The following SGCZ variants were observed in gnomAD, a reference collection of about 807,000 sequenced individuals.
SGCZ encodes the protein sarcoglycan zeta.
Under a neutral mutation model 41.3 loss-of-function variants are expected in SGCZ, and 40 were observed. The ratio of observed to expected loss-of-function variants is 0.97; its 90% CI spans 0.75 to 1.26. SGCZ has a LOEUF of 1.26. Ranked by LOEUF, SGCZ falls within the 50% of genes most tolerant of loss-of-function variation. The pLI is 0.00. For missense variants in SGCZ, 552 were observed against 369.8 expected, an observed-to-expected ratio of 1.49 and a Z score of -4.04; for synonymous variants, 206 against 137.5, an observed-to-expected ratio of 1.50 and a Z score of -3.49.
At chr8:14,138,309 G>A (rs575378978) in intron 5 of SGCZ, among the ~76,000 whole-genome samples, 2 of 152,224 alleles carry the variant, frequency 1.3e-5, no homozygotes, top group South Asian at 2.1e-4. Context: ...TATAATGACA[G>A]GATCAAATTC....
chr8:14,245,993 T>C (rs533538778), intron 3 of SGCZ, among the ~76,000 whole-genome samples: 1 of 152,306 alleles, frequency 6.6e-6, no homozygotes, highest in Admixed American at 6.5e-5. Context: ...TTTTACACTG[T>C]TGGTGGGACT....
chr8:14,516,697 G>A (rs551727478), intron 2 of SGCZ, among the ~76,000 whole-genome samples: 5 of 152,022 alleles, frequency 3.3e-5, no homozygotes, highest in Non-Finnish European at 7.4e-5. Flanking sequence ...TATGAAGTGA[G>A]TTTTTCTTGT....
intron 1 of SGCZ, among the ~76,000 whole-genome samples, chr8:14,776,293 T>C (rs560213696): frequency 1.3e-5 from 2 of 152,174 alleles, no homozygotes; most frequent in South Asian, 4.1e-4. Context: ...TTCCCCATAC[T>C]GTTATTGTGG....
At chr8:14,926,914 C>G (rs1244189702) in intron 1 of SGCZ, among the ~76,000 whole-genome samples, 1 of 152,108 alleles carries the variant, frequency 6.6e-6, no homozygotes, top group Non-Finnish European at 1.5e-5. Flanking sequence ...GTTGGGATTA[C>G]AGGCGTGAGT....
At chr8:14,700,517 C>T (rs1222698214) in intron 1 of SGCZ, among the ~76,000 whole-genome samples, 2 of 151,766 alleles carry the variant, frequency 1.3e-5, no homozygotes, top group Non-Finnish European at 2.9e-5. Flanking sequence ...TACATGCTCA[C>T]TACCTGGGTG....
intron 2 of SGCZ, among the ~76,000 whole-genome samples, chr8:14,541,293 C>T (rs1440944555): frequency 6.6e-6 from 1 of 151,824 alleles, no homozygotes; most frequent in African/African-American, 2.4e-5. Context: ...TAATGCTCTC[C>T]CTCCCCTTTA....
intron 1 of SGCZ, among the ~76,000 whole-genome samples, chr8:14,924,707 C>A (rs929761337): frequency 1.3e-5 from 2 of 151,914 alleles, no homozygotes; most frequent in African/African-American, 4.8e-5. Context: ...TAGATAAATT[C>A]CCCAAATATT....
intron 1 of SGCZ, among the ~76,000 whole-genome samples, chr8:14,600,314 C>A (rs538714092): frequency 6.6e-6 from 1 of 152,272 alleles, no homozygotes; most frequent in African/African-American, 2.4e-5. Flanking sequence ...TTAACGGCAT[C>A]TATATACTGA....
At chr8:14,512,927 T>C (rs1158260673) in intron 2 of SGCZ, among the ~76,000 whole-genome samples, 1 of 152,130 alleles carries the variant, frequency 6.6e-6, no homozygotes, top group African/African-American at 2.4e-5. Context: ...ACTCTGATTC[T>C]GTAAGTGAGG....
At chr8:14,954,290 A>G (rs1284349646) in intron 1 of SGCZ, among the ~76,000 whole-genome samples, 2 of 152,208 alleles carry the variant, frequency 1.3e-5, no homozygotes, top group Admixed American at 1.3e-4. Context: ...AGTACAAAAT[A>G]ACATGAAAAT....
chr8:15,139,421 G>A (rs909421701), intron 1 of SGCZ, among the ~76,000 whole-genome samples: 20 of 152,092 alleles, frequency 1.3e-4, no homozygotes, highest in African/African-American at 4.6e-4. Context: ...TCCTAAAGAT[G>A]TTACTATTCA....
chr8:14,860,428 G>A (rs1384104823), intron 1 of SGCZ, among the ~76,000 whole-genome samples: 1 of 151,060 alleles, frequency 6.6e-6, no homozygotes, highest in Non-Finnish European at 1.5e-5. Flanking sequence ...AAAAATGGAG[G>A]GAGGGAGAGG....
intron 1 of SGCZ, among the ~76,000 whole-genome samples, chr8:15,160,257 A>G (rs890817299): frequency 1.3e-5 from 2 of 152,194 alleles, no homozygotes; most frequent in South Asian, 4.1e-4. Context: ...ACTCAGAATA[A>G]TGTCCTCAAG....
chr8:14,683,638 A>T (rs2117548299), intron 1 of SGCZ, among the ~76,000 whole-genome samples: 1 of 152,244 alleles, frequency 6.6e-6, no homozygotes, highest in Non-Finnish European at 1.5e-5. Context: ...TGATTTCTTC[A>T]ACTTGGAAAT....
intron 4 of SGCZ, among the ~76,000 whole-genome samples, chr8:14,236,743 C>A (rs1405017283): frequency 4.0e-5 from 6 of 151,392 alleles, no homozygotes; most frequent in African/African-American, 1.5e-4. Context: ...CTCTGCAGAA[C>A]CAATACAGTG....
intron 1 of SGCZ, among the ~76,000 whole-genome samples, chr8:15,068,422 T>A (rs1805230389): frequency 6.6e-6 from 1 of 152,238 alleles, no homozygotes; most frequent in South Asian, 2.1e-4. Flanking sequence ...AGCAGAGCAC[T>A]TAACCATGTC....
intron 2 of SGCZ, among the ~76,000 whole-genome samples, chr8:14,503,454 G>A (rs1226563182): frequency 6.6e-6 from 1 of 152,016 alleles, no homozygotes; most frequent in Non-Finnish European, 1.5e-5. Flanking sequence ...TACAAAAAAT[G>A]TATAAAAATA....
chr8:15,012,072 A>T (rs2130927593), intron 1 of SGCZ, among the ~76,000 whole-genome samples: 1 of 152,288 alleles, frequency 6.6e-6, no homozygotes, highest in South Asian at 2.1e-4. Flanking sequence ...AAACCTCTTA[A>T]AATCCATCTT....
At chr8:14,111,259 G>A (rs1802362367) in intron 5 of SGCZ, among the ~76,000 whole-genome samples, 1 of 152,072 alleles carries the variant, frequency 6.6e-6, no homozygotes, top group Non-Finnish European at 1.5e-5. Context: ...TACTTATACT[G>A]AAAGCATATC....
Sources: allele counts gnomAD v4.1 joint callset (sites outside exome capture counted in the v4.1 genomes callset), GRCh38; gene constraint gnomAD v4.1.1; transcripts MANE v1.5; gene names NCBI Gene and HGNC (gene_info 2026-07-23, HGNC 2026-07-21).